The following CCDC171 variants were observed in gnomAD, a reference collection of about 807,000 sequenced individuals.
The protein encoded by CCDC171 is coiled-coil domain-containing protein 171.
Under a neutral mutation model 168.2 loss-of-function variants are expected in CCDC171, and 177 were observed. The ratio of observed to expected loss-of-function variants is 1.05; its 90% CI spans 0.93 to 1.19. CCDC171 has a LOEUF of 1.19. Ranked by LOEUF, CCDC171 falls within the 50% of genes most tolerant of loss-of-function variation. The probability of loss-of-function intolerance (pLI) is 0.00; values close to 1 mark genes in which losing one functional copy is unlikely to be tolerated. For missense variants in CCDC171, 1,991 were observed against 1,539.0 expected (o/e 1.29, Z -4.91); for synonymous variants, 687 against 540.8 (o/e 1.27, Z -3.75).
chr9:16,000,304 C>T (rs1832502638), intron 3 of CCDC171, among the ~76,000 whole-genome samples: 2 of 152,106 alleles, frequency 1.3e-5, no homozygotes, highest in Non-Finnish European at 2.9e-5. Flanking sequence ...GAATAAGTTT[C>T]AAAAACAAGG....
chr9:15,702,102 C>G (rs1363395354), intron 11 of CCDC171, among the ~76,000 whole-genome samples: 1 of 152,120 alleles, frequency 6.6e-6, no homozygotes, highest in Non-Finnish European at 1.5e-5. Flanking sequence ...TCTTGGGTGA[C>G]CAAGTACATT....
intron 7 of CCDC171, among the ~76,000 whole-genome samples, chr9:15,634,937 T>G (rs1247176614): frequency 6.6e-6 from 1 of 152,222 alleles, no homozygotes; most frequent in Admixed American, 6.5e-5. Context: ...AGCATAATGT[T>G]TTCAAGGTTT....
intron 6 of CCDC171, among the ~76,000 whole-genome samples, chr9:16,025,311 G>T (rs978221040): frequency 6.6e-6 from 1 of 152,096 alleles, no homozygotes; most frequent in Non-Finnish European, 1.5e-5. Flanking sequence ...ATGTGGTCAT[G>T]TGCGCCTGTA....
chr9:15,846,556 T>G, intron 21 of CCDC171, 146 bp from the exon 22 acceptor site: 1 of 642,292 alleles, frequency 1.6e-6, no homozygotes, highest in East Asian at 2.8e-5. Context: ...ATAAAATTTT[T>G]GCAGAAAATT....
At position 15,848,766 on chromosome 9, in the gene CCDC171, T is replaced by TA. The variant is rs938833344; in HGVS notation, c.3414-120dup. On this transcript the variant is annotated intron_variant, in intron 22 of 25. Transcript: ENST00000380701. Reference sequence around the variant, plus strand: ...CAAAATTTAAAAAGTTAAAATAAATTAAAAAAATAAAAGGAGAACAGTGAT... The same window carrying TA: ...CAAAATTTAAAAAGTTAAAATAAATTAAAAAAAATAAAAGGAGAACAGTGAT... The TA allele has an allele frequency of 3.2e-5, 15 of 475,758 alleles. No individual in the cohort carries two copies. The South Asian group carries it at 3.5e-4, about 11-fold the overall frequency. The allele number at this position is 475,758 out of a possible 1,614,324, so 29.5% of individuals were successfully genotyped here. A position where few individuals can be genotyped will look rare whatever the true frequency, so the allele number is the denominator to read the frequency against.
chr9:15,688,235 A>T (rs574320408), intron 10 of CCDC171, among the ~76,000 whole-genome samples: 78 of 152,076 alleles, frequency 5.1e-4, no homozygotes, highest in African/African-American at 1.8e-3. Context: ...AATCAAAAAA[A>T]CTCCCACAAA....
the CCDC171 span, among the ~76,000 whole-genome samples, chr9:16,068,231 C>T: frequency 6.6e-6 from 1 of 150,716 alleles, no homozygotes; most frequent in Non-Finnish European, 1.5e-5. Context: ...AATAAAATAC[C>T]TAGGAATCCA....
chr9:15,746,258 G>A (rs1463484684), intron 18 of CCDC171, among the ~76,000 whole-genome samples: 2 of 152,174 alleles, frequency 1.3e-5, no homozygotes, highest in Non-Finnish European at 2.9e-5. Context: ...TTAAAATTGT[G>A]TAATGGACTT....
chr9:15,625,206 C>G (rs955736114), intron 7 of CCDC171, among the ~76,000 whole-genome samples: 8 of 152,088 alleles, frequency 5.3e-5, no homozygotes, highest in Non-Finnish European at 1.2e-4. Flanking sequence ...TTTGTAGATT[C>G]TGGATATTAG....
intron 4 of CCDC171, among the ~76,000 whole-genome samples, chr9:15,581,413 A>G (rs2041106740): frequency 6.6e-6 from 1 of 152,230 alleles, no homozygotes; most frequent in Admixed American, 6.5e-5. Context: ...CTTTCTTCAC[A>G]GAACTGGAAA....
chr9:15,994,353 G>T (rs187785137), intron 3 of CCDC171, among the ~76,000 whole-genome samples: 63 of 152,200 alleles, frequency 4.1e-4, no homozygotes, highest in African/African-American at 1.5e-3. Flanking sequence ...TCCAAACACC[G>T]CATGTTCTCA....
Position 15,849,027 on chromosome 9 carries a change from C to A in CCDC171, c.3468+80C>A, listed in dbSNP as rs150456011. 114 of 693,992 alleles carry A rather than the reference C, an allele frequency of 1.6e-4. 1 individual carries two copies. In the African/African-American group the frequency reaches 1.9e-3, roughly 12 times the overall value. 43.0% of individuals were successfully genotyped at this position (693,992 alleles called of 1,614,324 possible). On this transcript the variant is annotated intron_variant, in intron 23 of 25. Coordinates refer to ENST00000380701, the MANE Select transcript of CCDC171 (RefSeq NM_173550.4). ...ATTTTTATTAGCCACAAAGTACTTT[C>A]ATTGATTTTGAAAGTTAAAAAAATA...
chr9:15,808,584 C>T (rs1349837001), intron 21 of CCDC171, among the ~76,000 whole-genome samples: 6 of 152,142 alleles, frequency 3.9e-5, no homozygotes. Context: ...AGAATCATTG[C>T]TTGCTTTCAG....
intron 21 of CCDC171, among the ~76,000 whole-genome samples, chr9:15,828,663 C>T (rs1588719294): frequency 6.6e-6 from 1 of 152,022 alleles, no homozygotes; most frequent in Non-Finnish European, 1.5e-5. Context: ...CTACAGAAGC[C>T]TGCATATTAT....
chr9:15,988,009 C>G (rs1160271515), intron 3 of CCDC171, among the ~76,000 whole-genome samples: 5 of 152,220 alleles, frequency 3.3e-5, no homozygotes, highest in Admixed American at 3.3e-4. Context: ...AACCTTCATT[C>G]CTGACTCTGA....
intron 23 of CCDC171, among the ~76,000 whole-genome samples, chr9:15,865,765 G>A (rs1280559793): frequency 1.3e-5 from 2 of 151,788 alleles, no homozygotes; most frequent in Admixed American, 1.3e-4. Flanking sequence ...AGTTTTGGGG[G>A]AGTCAGAAGT....
At chr9:15,591,686 T>G (rs1312488128) in intron 5 of CCDC171, 130 bp downstream of exon 5, 1 of 617,236 alleles carries the variant, frequency 1.6e-6, no homozygotes, top group Non-Finnish European at 2.8e-6. Context: ...CTCCCATTTT[T>G]TCTTTTTTAG....
chr9:16,058,935 T>C (rs991459731), intron 1 of CCDC171, among the ~76,000 whole-genome samples: 1 of 152,210 alleles, frequency 6.6e-6, no homozygotes, highest in Admixed American at 6.5e-5. Context: ...TAGTGTGGTT[T>C]CAGTTGTGTT....
intron 11 of CCDC171, among the ~76,000 whole-genome samples, chr9:15,708,469 G>T (rs1477092510): frequency 6.6e-6 from 1 of 152,072 alleles, no homozygotes; most frequent in African/African-American, 2.4e-5. Flanking sequence ...GGAAATGGAG[G>T]GTCTGTACCA....
Sources: allele counts gnomAD v4.1 joint callset (sites outside exome capture counted in the v4.1 genomes callset), GRCh38; gene constraint gnomAD v4.1.1; transcripts MANE v1.5; gene names NCBI Gene and HGNC (gene_info 2026-07-23, HGNC 2026-07-21).